Variants in CES5A observed in about 807,000 individuals in gnomAD.
CES5A encodes carboxylesterase 5.
Under a neutral mutation model 62.9 loss-of-function variants are expected in CES5A, and 67 were observed. The observed-to-expected ratio is 1.07, with a 90% confidence interval of 0.88 to 1.31. The LOEUF (loss-of-function observed/expected upper bound fraction) is 1.31, where lower values mean the gene tolerates loss of function less well. Among genes scored for constraint, CES5A ranks in the 50% most tolerant of loss-of-function variants. CES5A has a pLI of 0.00. For synonymous variants in CES5A, 296 were observed against 280.8 expected, an observed-to-expected ratio of 1.05 and a Z score of -0.54; for missense variants, 748 against 708.5, an observed-to-expected ratio of 1.06 and a Z score of -0.63.
intron 1 of CES5A, among the ~76,000 whole-genome samples, chr16:55,951,668 G>A (rs7195911): frequency 0.32 from 49,136 of 151,926 alleles, 8,191 homozygotes; most frequent in African/African-American, 0.37. Flanking sequence ...ACAAAATAGA[G>A]CTCAAGGCAA....
chr16:55,883,039 G>T (rs1256750540), intron 1 of CES5A, among the ~76,000 whole-genome samples: 2 of 152,196 alleles, frequency 1.3e-5, no homozygotes, highest in African/African-American at 4.8e-5. Flanking sequence ...ATAAGATTGA[G>T]TTCACCAAAT....
At position 55,952,466 on chromosome 16, in the gene CES5A, C is replaced by G. The variant is rs1026559298; in HGVS notation, c.43-2564G>C. 3.9e-5 allele frequency among the ~76,000 whole-genome samples: 6 copies of G among 151,994 alleles called. No individual in the cohort carries two copies. In the East Asian group the frequency reaches 7.7e-4, roughly 20 times the overall value. ...ACACAAAAAAATCAATAGTATAGAT[C>G]AATAAAACTAAAAGCTGTTTCTTTG... is the stretch of plus-strand genomic sequence containing the variant. On this transcript the variant is annotated intron_variant, in intron 1 of 13. Coordinates refer to the CES5A transcript ENST00000521992.
chr16:55,944,186 C>A, intron 2 of CES5A: 1 of 693,220 alleles, frequency 1.4e-6, no homozygotes, highest in South Asian at 1.5e-5. Flanking sequence ...GGGTCCCAGT[C>A]CTGGTTCCAT....
Position 55,853,014 on chromosome 16 carries a change from C to T in CES5A, c.1140G>A (p.Gln380=). The T allele has an allele frequency of 1.2e-6, 2 of 1,614,124 alleles. No individual in the cohort carries two copies. The highest frequency in any genetic ancestry group is 1.7e-6 in the Non-Finnish European group (2 of 1,180,024). Residue 380 remains glutamine, a synonymous_variant, in exon 10 of 13, where the codon CAG becomes CAA. Coordinates refer to ENST00000290567, the MANE Select transcript of CES5A (RefSeq NM_001143685.2). Reference sequence around the variant, plus strand: ...ATTCATTAGCCACAAGGTGCAAATACTGAGGCGGGATGTGCTGTAAAAATA... The same window carrying T: ...ATTCATTAGCCACAAGGTGCAAATATTGAGGCGGGATGTGCTGTAAAAATA... The part of the protein sequence containing the change: ...LIQNILHIPP[Q]YLHLVANEYF...
chr16:55,927,352 C>G (rs1349420554), upstream of CES5A, among the ~76,000 whole-genome samples: 1 of 152,132 alleles, frequency 6.6e-6, no homozygotes, highest in African/African-American at 2.4e-5. Flanking sequence ...ACAAAATATT[C>G]ACAAACTATA....
intron 2 of CES5A, among the ~76,000 whole-genome samples, chr16:55,949,169 A>G (rs1287485532): frequency 6.6e-6 from 1 of 152,208 alleles, no homozygotes; most frequent in Non-Finnish European, 1.5e-5. Flanking sequence ...GATGAAGTTT[A>G]GCAGGCATGA....
chr16:55,897,655 C>T (rs1469584973), intron 1 of CES5A, among the ~76,000 whole-genome samples: 2 of 152,178 alleles, frequency 1.3e-5, no homozygotes, highest in African/African-American at 4.8e-5. Context: ...AATGGGGAAA[C>T]TAAGATCCCA....
chr16:55,846,843 G>A lies in CES5A; in HGVS notation c.1424-3C>T, dbSNP rs1251194677. 2.5e-6 allele frequency: 4 copies of A among 1,613,718 alleles called. No individual in the cohort carries two copies. In the South Asian group the frequency reaches 3.3e-5, roughly 13 times the overall value. ...CTTCTCCTCCTCCGTGGCTCCTTCT[G>A]AAGGAGATAATCACAAAATGCTGCT... On this transcript the variant is annotated splice_region_variant and splice_polypyrimidine_tract_variant and intron_variant, in intron 11 of 12. Transcript: ENST00000290567.
chr16:55,914,659 G>C (rs768830191), intron 1 of CES5A, among the ~76,000 whole-genome samples: 1 of 152,174 alleles, frequency 6.6e-6, no homozygotes, highest in Admixed American at 6.5e-5. Context: ...CGAAATCCCT[G>C]ATAACTTTCT....
rs369679801 is a variant in CES5A, at chr16:55,866,658, T to TAAAAAAAAAAAAAA, written c.552-556_552-543dup. The stretch of plus-strand genomic sequence containing the variant: ...TAATATAGTGAAACTCTGTCTCTGC[T>TAAAAAAAAAAAAAA]AAAAAAAAAAAAAAAAAAAATACAA... On this transcript the variant is annotated intron_variant, in intron 4 of 12. Transcript: ENST00000290567. Among the ~76,000 whole-genome samples, 204 of 82,784 alleles carry TAAAAAAAAAAAAAA rather than the reference T, an allele frequency of 2.5e-3. 16 individuals are homozygous for TAAAAAAAAAAAAAA. The highest frequency in any genetic ancestry group is 3.8e-3 in the Non-Finnish European group (149 of 39,726). 54.3% of individuals were successfully genotyped at this position (82,784 alleles called of 152,430 possible).
chr16:55,932,405 A>T (rs543637999), intron 2 of CES5A, among the ~76,000 whole-genome samples: 1 of 152,366 alleles, frequency 6.6e-6, no homozygotes, highest in East Asian at 1.9e-4. Context: ...TACAATGATG[A>T]ATACAGGTCT....
chr16:55,879,772 T>C (rs1026667073), upstream of CES5A, among the ~76,000 whole-genome samples: 1 of 152,102 alleles, frequency 6.6e-6, no homozygotes, highest in Non-Finnish European at 1.5e-5. Context: ...TTTTAAATTT[T>C]TGTAGAGATG....
At chr16:55,921,960 A>G (rs567763309) in intron 1 of CES5A, among the ~76,000 whole-genome samples, 1 of 152,106 alleles carries the variant, frequency 6.6e-6, no homozygotes, top group East Asian at 1.9e-4. Flanking sequence ...ATAAGTTATC[A>G]TGTCCTTATA....
At chr16:55,937,854 G>C (rs1281129675) in intron 2 of CES5A, among the ~76,000 whole-genome samples, 1 of 152,120 alleles carries the variant, frequency 6.6e-6, no homozygotes, top group Non-Finnish European at 1.5e-5. Flanking sequence ...TTACTGTCTT[G>C]TGGTTGTAAG....
intron 1 of CES5A, among the ~76,000 whole-genome samples, chr16:55,914,356 G>T (rs2034123475): frequency 6.6e-6 from 1 of 152,084 alleles, no homozygotes. Flanking sequence ...CAGGGGGGTT[G>T]GCCTGGCAAA....
exon 1 of CES5A, chr16:55,955,938 C>A (rs370697101): frequency 6.6e-7 from 1 of 1,518,840 alleles, no homozygotes; most frequent in Non-Finnish European, 8.8e-7. Flanking sequence ...CTGGCCTTGA[C>A]ACAGAGCCCC....
chr16:55,869,679 G>A lies in CES5A; in HGVS notation c.483C>T (p.Ala161=). The A allele has an allele frequency of 6.2e-7, 1 of 1,610,676 alleles. No homozygotes were observed. The highest frequency in any genetic ancestry group is 8.5e-7 in the Non-Finnish European group (1 of 1,177,394). ...CCAGCACGTCCTCATAGGCAGCCAG[G>A]GCGGACCCATCAAAGATGGAGGCTG... ...TGSASIFDGS[A]LAAYEDVLVV... The change falls in exon 4 of 13, where the codon GCC becomes GCT. Residue 161 remains alanine, a synonymous_variant. Coordinates refer to ENST00000290567, the MANE Select transcript of CES5A (RefSeq NM_001143685.2).
chr16:55,847,999 T>G (rs4783912), intron 11 of CES5A, among the ~76,000 whole-genome samples: 87,875 of 152,056 alleles, frequency 0.58, 28,039 homozygotes, highest in Non-Finnish European at 0.72. Flanking sequence ...AGCTTCCAAC[T>G]CCTGGGCTCA....
intron 1 of CES5A, among the ~76,000 whole-genome samples, chr16:55,887,025 G>T (rs1199319038): frequency 6.6e-6 from 1 of 152,124 alleles, no homozygotes; most frequent in Non-Finnish European, 1.5e-5. Flanking sequence ...ATGTGCTAAG[G>T]AATGAACTTG....
Sources: allele counts gnomAD v4.1 joint callset (sites outside exome capture counted in the v4.1 genomes callset), GRCh38; gene constraint gnomAD v4.1.1; transcripts MANE v1.5; gene names NCBI Gene and HGNC (gene_info 2026-07-23, HGNC 2026-07-21).